SLC24A3: variants seen among roughly 807,000 people sequenced by gnomAD.
SLC24A3 encodes sodium/potassium/calcium exchanger 3.
Under a neutral mutation model 75.8 loss-of-function variants are expected in SLC24A3, and 28 were observed. That is an observed-to-expected ratio of 0.37 (90% CI 0.27 to 0.51). The LOEUF (loss-of-function observed/expected upper bound fraction) is 0.51, where lower values mean the gene tolerates loss of function less well. Among genes scored for constraint, SLC24A3 ranks in the 20% least tolerant of loss-of-function variants. SLC24A3 has a pLI of 0.94. For missense variants in SLC24A3, 663 were observed against 847.8 expected, an observed-to-expected ratio of 0.78 and a Z score of 2.71; for synonymous variants, 372 against 334.1, an observed-to-expected ratio of 1.11 and a Z score of -1.24.
At chr20:19,514,159 C>T (rs1015396627) in intron 2 of SLC24A3, among the ~76,000 whole-genome samples, 4 of 152,184 alleles carry the variant, frequency 2.6e-5, no homozygotes, top group African/African-American at 9.7e-5. Flanking sequence ...TTGTGTCTTG[C>T]ACAAATCCTC....
chr20:19,263,810 G>C (rs1983071937), intron 1 of SLC24A3, among the ~76,000 whole-genome samples: 1 of 152,242 alleles, frequency 6.6e-6, no homozygotes, highest in Non-Finnish European at 1.5e-5. Flanking sequence ...AGAATAAAGT[G>C]GCTTTGTGTT....
At chr20:19,686,113 A>T (rs1287697963) in intron 12 of SLC24A3, among the ~76,000 whole-genome samples, 2 of 152,214 alleles carry the variant, frequency 1.3e-5, no homozygotes, top group Non-Finnish European at 2.9e-5. Context: ...GGACGGTCTT[A>T]TCTTACTTAG....
At chr20:19,348,231 G>A (rs537004706) in intron 2 of SLC24A3, among the ~76,000 whole-genome samples, 88 of 152,316 alleles carry the variant, frequency 5.8e-4, no homozygotes, top group Admixed American at 4.1e-3. Context: ...GGCAAAAGGC[G>A]TTTCACACTT....
chr20:19,401,172 A>G (rs1029401509), intron 2 of SLC24A3, among the ~76,000 whole-genome samples: 2 of 152,196 alleles, frequency 1.3e-5, no homozygotes, highest in African/African-American at 4.8e-5. Flanking sequence ...CAAAAGAATC[A>G]TGAGACAGTT....
chr20:19,408,482 CA>C (rs1986690050), intron 2 of SLC24A3, among the ~76,000 whole-genome samples: 1 of 151,830 alleles, frequency 6.6e-6, no homozygotes, highest in Non-Finnish European at 1.5e-5. Context: ...CTCCACCTCC[CA>C]GGTTCAAGCG....
rs552004624 is a variant in SLC24A3, at chr20:19,297,879, C to T, written c.271+16792C>T. On this transcript the variant is annotated intron_variant, in intron 2 of 16. Coordinates refer to ENST00000328041, the MANE Select transcript of SLC24A3 (RefSeq NM_020689.4). ...CCTCTCACTTCCTTCCAAAGCAGAA[C>T]CATGAACTGGTCTCAAAAATCTTGT... Among the ~76,000 whole-genome samples the T allele has an allele frequency of 6.0e-4, 92 of 152,288 alleles. 1 individual carries two copies. Among genetic ancestry groups the T allele is most frequent in the African/African-American group, 2.1e-3 (88 of 41,546 alleles).
intron 2 of SLC24A3, among the ~76,000 whole-genome samples, chr20:19,319,612 C>T (rs1434274831): frequency 2.0e-5 from 3 of 152,202 alleles, no homozygotes; most frequent in African/African-American, 7.2e-5. Flanking sequence ...AGGCAGAGTG[C>T]TGTTTAAAAT....
intron 6 of SLC24A3, among the ~76,000 whole-genome samples, chr20:19,618,447 C>T (rs2031764986): frequency 1.3e-5 from 2 of 152,150 alleles, no homozygotes; most frequent in South Asian, 4.1e-4. Flanking sequence ...ATTTCCTGTT[C>T]TTATAAGGAC....
chr20:19,316,005 T>G (rs1482161819), intron 2 of SLC24A3, among the ~76,000 whole-genome samples: 1 of 152,162 alleles, frequency 6.6e-6, no homozygotes, highest in African/African-American at 2.4e-5. Flanking sequence ...GTTGAACGTC[T>G]CATAGATCTG....
chr20:19,638,346 A>C (rs898764277), intron 6 of SLC24A3, among the ~76,000 whole-genome samples: 47 of 152,266 alleles, frequency 3.1e-4, no homozygotes, highest in Admixed American at 2.7e-3. Context: ...ATAAAAGTGT[A>C]TACCGCTGGG....
chr20:19,477,259 G>T (rs1156356441), intron 2 of SLC24A3, among the ~76,000 whole-genome samples: 2 of 152,188 alleles, frequency 1.3e-5, no homozygotes, highest in East Asian at 3.9e-4. Context: ...CTCCAAATTT[G>T]GAAACTGGCT....
At chr20:19,367,533 T>A (rs150138134) in intron 2 of SLC24A3, among the ~76,000 whole-genome samples, 3 of 151,400 alleles carry the variant, frequency 2.0e-5, no homozygotes, top group African/African-American at 7.3e-5. Context: ...CCCAGAAAAC[T>A]GTGAGTGTTC....
At chr20:19,663,843 G>T (rs1661453227) in intron 7 of SLC24A3, among the ~76,000 whole-genome samples, 1 of 152,038 alleles carries the variant, frequency 6.6e-6, no homozygotes, top group African/African-American at 2.4e-5. Context: ...TCTTTGCTAT[G>T]ATCATTGAAA....
intron 2 of SLC24A3, among the ~76,000 whole-genome samples, chr20:19,477,415 T>C (rs1025939663): frequency 3.9e-5 from 6 of 151,912 alleles, no homozygotes; most frequent in African/African-American, 1.2e-4. Context: ...CTGCAGGGAG[T>C]AGATCGCCAA....
intron 2 of SLC24A3, among the ~76,000 whole-genome samples, chr20:19,484,723 T>A (rs1240398583): frequency 6.6e-6 from 1 of 151,856 alleles, no homozygotes; most frequent in Non-Finnish European, 1.5e-5. Flanking sequence ...GGGTTAAGAG[T>A]TTCAGTCTTC....
At chr20:19,280,180 G>A (rs570484725) in intron 1 of SLC24A3, among the ~76,000 whole-genome samples, 2 of 152,248 alleles carry the variant, frequency 1.3e-5, no homozygotes, top group East Asian at 3.9e-4. Context: ...GTGCTCTTTA[G>A]CCTGTGTTCT....
chr20:19,392,461 G>A (rs1417008609), intron 2 of SLC24A3, among the ~76,000 whole-genome samples: 1 of 152,180 alleles, frequency 6.6e-6, no homozygotes, highest in Non-Finnish European at 1.5e-5. Flanking sequence ...TTCCAGCATA[G>A]CTCCCAGGGC....
chr20:19,492,337 G>A (rs1285140622), intron 2 of SLC24A3, among the ~76,000 whole-genome samples: 1 of 152,208 alleles, frequency 6.6e-6, no homozygotes, highest in Non-Finnish European at 1.5e-5. Flanking sequence ...GCCTTGGGCA[G>A]ATTATTTTCC....
intron 9 of SLC24A3, among the ~76,000 whole-genome samples, chr20:19,675,729 G>C (rs1353009841): frequency 6.6e-6 from 1 of 152,162 alleles, no homozygotes; most frequent in Non-Finnish European, 1.5e-5. Context: ...AATACCAATA[G>C]ATGAGCTGTC....
Sources: gnomAD v4.1 joint callset for allele counts (sites outside exome capture counted in the v4.1 genomes callset) on GRCh38, gnomAD v4.1.1 for gene constraint, MANE v1.5 for transcripts, NCBI Gene and HGNC (gene_info 2026-07-23, HGNC 2026-07-21) for gene names.